ZNF407: variants seen among roughly 807,000 people sequenced by gnomAD.
ZNF407 encodes the protein zinc finger protein 407.
Under a neutral mutation model 131.2 loss-of-function variants are expected in ZNF407, and 17 were observed. That is an observed-to-expected ratio of 0.13 (90% CI 0.09 to 0.19). ZNF407 has a LOEUF of 0.19. ZNF407 is among the 10% of genes least tolerant of loss of function. The pLI is 1.00. For missense variants in ZNF407, 2,681 were observed against 2,830.6 expected, an observed-to-expected ratio of 0.95 and a Z score of 1.20; for synonymous variants, 1,156 against 1,062.0, an observed-to-expected ratio of 1.09 and a Z score of -1.72.
rs928387927 is a variant in ZNF407, at chr18:74,908,872, C to CT, written c.5250-11634dup. Among the ~76,000 whole-genome samples, 62 of 151,750 alleles carry CT rather than the reference C, an allele frequency of 4.1e-4. 2 individuals carry two copies. Among genetic ancestry groups the CT allele is most frequent in the African/African-American group, 1.5e-3 (62 of 41,412 alleles). ...CCCCTCTACTTTGAACATTTTTTGT[C>CT]TTTTTTTTAGGATTTATTTTTGCCC... On this transcript the variant is annotated intron_variant, in intron 7 of 8. Coordinates refer to ENST00000299687, the MANE Select transcript of ZNF407 (RefSeq NM_017757.3).
At chr18:74,841,401 G>A (rs1035132455) in intron 4 of ZNF407, among the ~76,000 whole-genome samples, 1 of 152,020 alleles carries the variant, frequency 6.6e-6, no homozygotes, top group African/African-American at 2.4e-5. Context: ...TTTGCTCACC[G>A]CTTCCCTTCT....
chr18:74,638,590 C>A (rs1227484817), intron 2 of ZNF407, among the ~76,000 whole-genome samples: 1 of 152,092 alleles, frequency 6.6e-6, no homozygotes, highest in East Asian at 1.9e-4. Flanking sequence ...TGAGTGAAGA[C>A]CTGGATTTTA....
In ZNF407 at chr18:74,634,040, C is replaced by T. The variant is rs372408214; in HGVS notation, c.3021C>T (p.Ser1007=). 4 of 1,613,834 alleles carry T rather than the reference C, an allele frequency of 2.5e-6. No individual in the cohort carries two copies. The African/African-American group carries it at 5.3e-5, about 22-fold the overall frequency. The stretch of plus-strand genomic sequence containing the variant: ...TCGCCCAGCCGGGGGATGTGTACTC[C>T]CAGAGAGATGTTACAGGCACAGGTG... ...EDFAQPGDVY[S]QRDVTGTGEN... Residue 1007 remains serine, a synonymous_variant, in exon 2 of 9, where the codon TCC becomes TCT. Transcript: ENST00000299687.
intron 8 of ZNF407, among the ~76,000 whole-genome samples, chr18:75,024,922 G>T (rs964033908): frequency 6.6e-6 from 1 of 152,142 alleles, no homozygotes; most frequent in African/African-American, 2.4e-5. Flanking sequence ...AGACTAGGTT[G>T]TACAAAACGA....
At chr18:75,030,982 A>T (rs1973233185) in intron 8 of ZNF407, among the ~76,000 whole-genome samples, 1 of 152,222 alleles carries the variant, frequency 6.6e-6, no homozygotes. Context: ...CTGTTTATTC[A>T]AGGTCAGTTT....
chr18:74,777,875 A>G (rs1041523508), intron 3 of ZNF407, among the ~76,000 whole-genome samples: 1 of 152,004 alleles, frequency 6.6e-6, no homozygotes, highest in Non-Finnish European at 1.5e-5. Flanking sequence ...TGAGCCCTGG[A>G]GTTTGAGACC....
intron 8 of ZNF407, among the ~76,000 whole-genome samples, chr18:74,977,549 A>G (rs541395857): frequency 6.6e-6 from 1 of 152,310 alleles, no homozygotes; most frequent in South Asian, 2.1e-4. Context: ...GTCTAAACAG[A>G]TGTTAATAAA....
At chr18:74,860,021 T>C (rs1970915274) in intron 4 of ZNF407, among the ~76,000 whole-genome samples, 1 of 152,134 alleles carries the variant, frequency 6.6e-6, no homozygotes, top group South Asian at 2.1e-4. Context: ...TAAAAGAGAA[T>C]ATGGCCAGGT....
intron 4 of ZNF407, among the ~76,000 whole-genome samples, chr18:74,828,475 G>T (rs139965704): frequency 1.1e-4 from 16 of 152,320 alleles, no homozygotes; most frequent in African/African-American, 3.9e-4. Flanking sequence ...TGACGAGGCT[G>T]CTAGAATCAA....
intron 3 of ZNF407, among the ~76,000 whole-genome samples, chr18:74,670,433 ATC>A (rs1163459134): frequency 6.6e-6 from 1 of 152,212 alleles, no homozygotes; most frequent in East Asian, 1.9e-4. Flanking sequence ...CTTGGGATGA[ATC>A]TGCATGGATG....
At chr18:75,045,126 G>A (rs898898734) in intron 8 of ZNF407, among the ~76,000 whole-genome samples, 2 of 151,612 alleles carry the variant, frequency 1.3e-5, no homozygotes, top group South Asian at 2.1e-4. Context: ...GTGGGGGTGC[G>A]TGGGGCGGTG....
Position 74,634,866 on chromosome 18 carries a change from A to G in ZNF407, c.3847A>G (p.Asn1283Asp). ...GGGAAATCTGGAGAGCGGGGGTCAG[A>G]ACAGAGTTGCACGTGGGCATGGTTT... ...EQGNLESGGQ[N>D]RVARGHGLED... is the part of the protein sequence containing the mutation. The change falls in exon 2 of 9, where the codon AAC becomes GAC. Residue 1283 changes from asparagine (N) to aspartate (D), a missense_variant. This residue lies in a region of ZNF407 where 1,789 missense variants were observed against 1,748.7 expected (regional missense o/e 1.02). Coordinates refer to ENST00000299687, the MANE Select transcript of ZNF407 (RefSeq NM_017757.3). The G allele has an allele frequency of 6.2e-7, 1 of 1,613,730 alleles. No homozygotes were observed.
At chr18:74,774,376 C>G (rs1334780654) in intron 3 of ZNF407, among the ~76,000 whole-genome samples, 5 of 152,246 alleles carry the variant, frequency 3.3e-5, no homozygotes, top group Non-Finnish European at 7.4e-5. Context: ...ACAGGATACT[C>G]ACACAATATC....
intron 4 of ZNF407, among the ~76,000 whole-genome samples, chr18:74,856,535 G>A: frequency 6.6e-6 from 1 of 152,064 alleles, no homozygotes; most frequent in East Asian, 1.9e-4. Flanking sequence ...TAGAACCTGG[G>A]GATGCAGCTG....
At chr18:74,704,471 G>C (rs1373089435) in intron 3 of ZNF407, among the ~76,000 whole-genome samples, 1 of 152,218 alleles carries the variant, frequency 6.6e-6, no homozygotes, top group Admixed American at 6.5e-5. Context: ...GCTTGACACA[G>C]ATCTGGGCTC....
intron 8 of ZNF407, among the ~76,000 whole-genome samples, chr18:74,970,448 C>G (rs182053953): frequency 1.1e-4 from 17 of 152,148 alleles, no homozygotes; most frequent in Non-Finnish European, 1.3e-4. Context: ...TTCCTAGATA[C>G]AATGGGGGTA....
chr18:74,958,044 C>G (rs1000316613), intron 8 of ZNF407, among the ~76,000 whole-genome samples: 14 of 152,200 alleles, frequency 9.2e-5, no homozygotes, highest in African/African-American at 2.7e-4. Context: ...TGAGCTCTCC[C>G]TTGTTTGGAG....
intron 4 of ZNF407, among the ~76,000 whole-genome samples, chr18:74,874,516 A>C (rs549889731): frequency 2.0e-5 from 3 of 152,150 alleles, no homozygotes; most frequent in African/African-American, 7.2e-5. Context: ...GGCGAGGAAG[A>C]GTCACAGCCG....
intron 1 of ZNF407, among the ~76,000 whole-genome samples, chr18:74,616,418 G>C (rs1983290822): frequency 2.6e-5 from 4 of 152,032 alleles, no homozygotes; most frequent in Admixed American, 2.6e-4. Context: ...GGTTTTGTCA[G>C]GTCTAAGAAA....
Sources: allele counts gnomAD v4.1 joint callset (sites outside exome capture counted in the v4.1 genomes callset), GRCh38; gene constraint gnomAD v4.1.1; regional missense constraint gnomAD v4.1.1; transcripts MANE v1.5; gene names NCBI Gene and HGNC (gene_info 2026-07-23, HGNC 2026-07-21).